BMERB1: variants seen among roughly 807,000 people sequenced by gnomAD.
BMERB1 encodes bMERB domain containing 1, also known as bMERB domain-containing protein 1.
Under a neutral mutation model 23.6 loss-of-function variants are expected in BMERB1, and 12 were observed. The observed-to-expected ratio is 0.51, with a 90% CI of 0.33 to 0.82. The LOEUF (loss-of-function observed/expected upper bound fraction) is 0.82. BMERB1 is among the 40% of genes least tolerant of loss of function. BMERB1 has a pLI of 0.03. For synonymous variants in BMERB1, 122 were observed against 96.6 expected (o/e 1.26, Z -1.54); for missense variants, 247 against 255.4 (o/e 0.97, Z 0.22).
chr16:15,523,174 A>G (rs1369415313), intron 2 of BMERB1, among the ~76,000 whole-genome samples: 1 of 152,072 alleles, frequency 6.6e-6, no homozygotes, highest in Non-Finnish European at 1.5e-5. Flanking sequence ...CCGCCAGTAG[A>G]TGGCCTGCCA....
chr16:15,465,550 A>T (rs909691066), intron 1 of BMERB1, among the ~76,000 whole-genome samples: 3 of 151,956 alleles, frequency 2.0e-5, no homozygotes, highest in African/African-American at 7.3e-5. Flanking sequence ...ACAGGGTTTC[A>T]CCACGTTGGC....
At chr16:15,481,052 G>A (rs2051316916) in intron 1 of BMERB1, among the ~76,000 whole-genome samples, 3 of 152,274 alleles carry the variant, frequency 2.0e-5, no homozygotes, top group South Asian at 4.1e-4. Context: ...TAGAGAAGTG[G>A]CTAAACTATG....
chr16:15,499,727 C>G (rs2051509220), intron 1 of BMERB1, among the ~76,000 whole-genome samples: 1 of 152,210 alleles, frequency 6.6e-6, no homozygotes, highest in African/African-American at 2.4e-5. Flanking sequence ...TTTCTTCCAG[C>G]TCATCATTCA....
At chr16:15,506,198 C>T (rs900750807) in intron 1 of BMERB1, among the ~76,000 whole-genome samples, 2 of 151,288 alleles carry the variant, frequency 1.3e-5, no homozygotes, top group Non-Finnish European at 2.9e-5. Flanking sequence ...ATTTTTGAGA[C>T]GGAGTCTTGC....
intron 1 of BMERB1, among the ~76,000 whole-genome samples, chr16:15,450,882 A>G (rs911710566): frequency 2.0e-5 from 3 of 152,122 alleles, no homozygotes; most frequent in South Asian, 2.1e-4. Flanking sequence ...AGAGCTTGTC[A>G]TGCTGCTGCA....
intron 1 of BMERB1, among the ~76,000 whole-genome samples, chr16:15,475,891 G>C (rs2051271130): frequency 6.6e-6 from 1 of 152,138 alleles, no homozygotes; most frequent in African/African-American, 2.4e-5. Flanking sequence ...TTGGTGTCCA[G>C]AGTTTTTATT....
intron 1 of BMERB1, among the ~76,000 whole-genome samples, chr16:15,441,210 GT>G (rs918082598): frequency 6.6e-6 from 1 of 152,086 alleles, no homozygotes; most frequent in African/African-American, 2.4e-5. Flanking sequence ...AACATGAACT[GT>G]TATGTTTTTT....
chr16:15,525,690 G>A (rs1371334477), intron 2 of BMERB1, among the ~76,000 whole-genome samples: 2 of 149,852 alleles, frequency 1.3e-5, no homozygotes, highest in Middle Eastern at 3.4e-3. Context: ...GGGCAACAGA[G>A]TGAGATCCCA....
At position 15,587,032 on chromosome 16, in the gene BMERB1, A is replaced by G. The variant is rs933513663; in HGVS notation, c.*203A>G. The G allele has an allele frequency of 7.1e-6, 4 of 560,404 alleles. No homozygotes were observed. The highest frequency in any genetic ancestry group is 1.9e-5 in the African/African-American group (1 of 52,510). The allele number at this position is 560,404 out of a possible 1,614,324, so 34.7% of individuals were successfully genotyped here. On this transcript the variant is annotated 3_prime_UTR_variant, in exon 6 of 6. Coordinates refer to ENST00000300006, the MANE Select transcript of BMERB1 (RefSeq NM_033201.3). Reference sequence around the variant, plus strand: ...GCAGTAGGGAGTCTCTCACCGTCGCATGGTCCTCCCCAGAGCATGCCGAAC... The same window carrying G: ...GCAGTAGGGAGTCTCTCACCGTCGCGTGGTCCTCCCCAGAGCATGCCGAAC...
chr16:15,484,744 A>C (rs1273329982), intron 1 of BMERB1, among the ~76,000 whole-genome samples: 3 of 152,142 alleles, frequency 2.0e-5, no homozygotes, highest in African/African-American at 7.2e-5. Flanking sequence ...TTCACATAAC[A>C]TAGCATTCAT....
intron 3 of BMERB1, among the ~76,000 whole-genome samples, chr16:15,572,161 G>C (rs543823491): frequency 6.6e-6 from 1 of 152,174 alleles, no homozygotes; most frequent in Non-Finnish European, 1.5e-5. Context: ...TAGCAGGCAG[G>C]TGAACTTCGT....
intron 2 of BMERB1, among the ~76,000 whole-genome samples, chr16:15,541,472 G>A (rs2150962978): frequency 6.9e-6 from 1 of 144,516 alleles, no homozygotes; most frequent in South Asian, 2.3e-4. Context: ...CTGTCACCCA[G>A]GCTGGAGTGC....
intron 1 of BMERB1, among the ~76,000 whole-genome samples, chr16:15,486,034 GA>G (rs1322073356): frequency 6.6e-6 from 1 of 152,030 alleles, no homozygotes; most frequent in Non-Finnish European, 1.5e-5. Context: ...CTGAGGTCAG[GA>G]GTTCAAGACC....
At chr16:15,487,681 A>T (rs1567465506) in intron 1 of BMERB1, among the ~76,000 whole-genome samples, 1 of 152,252 alleles carries the variant, frequency 6.6e-6, no homozygotes, top group Non-Finnish European at 1.5e-5. Flanking sequence ...ATAATGCTTA[A>T]CAGTTTTTTC....
intron 2 of BMERB1, among the ~76,000 whole-genome samples, chr16:15,522,832 T>C (rs2051869922): frequency 6.6e-6 from 1 of 152,202 alleles, no homozygotes; most frequent in African/African-American, 2.4e-5. Flanking sequence ...GGTGGATGTT[T>C]ACAACTCCTG....
At chr16:15,575,327 A>G (rs2030831160) in intron 3 of BMERB1, among the ~76,000 whole-genome samples, 2 of 152,210 alleles carry the variant, frequency 1.3e-5, no homozygotes, top group African/African-American at 2.4e-5. Flanking sequence ...CAGTTTCTAT[A>G]GAAAACAAAA....
In BMERB1 at chr16:15,568,022, G is replaced by T; in HGVS notation, c.270G>T (p.Leu90Phe). Residue 90 changes from leucine to phenylalanine, a missense_variant, in exon 3 of 6, where the codon TTG (leucine) becomes TTT (phenylalanine). Physicochemically the swap from Leu to Phe is conservative, Grantham distance 22. Coordinates refer to ENST00000300006, the MANE Select transcript of BMERB1 (RefSeq NM_033201.3). ...DIQLCKDIMD[L>F]KQELQNLVAI... The stretch of plus-strand genomic sequence containing the variant: ...AGCTCTGCAAGGACATCATGGACTT[G>T]AAGCAGGAGCTGCAGAACTTGGTCG... 3.7e-6 allele frequency: 6 copies of T among 1,614,078 alleles called. No individual in the cohort carries two copies. Among genetic ancestry groups the T allele is most frequent in the Non-Finnish European group, 5.1e-6 (6 of 1,179,950 alleles).
Position 15,434,760 on chromosome 16 carries a change from G to T in BMERB1, c.106+1G>T. 3 of 673,660 alleles carry T rather than the reference G, an allele frequency of 4.5e-6. No individual in the cohort carries two copies. The highest frequency in any genetic ancestry group is 5.1e-6 in the Non-Finnish European group (2 of 389,878). The allele number at this position is 673,660 out of a possible 1,614,324, so 41.7% of individuals were successfully genotyped here. A position where few individuals can be genotyped will look rare whatever the true frequency, so the allele number is the denominator to read the frequency against. ...TGGAAAACGGAGAGACTGGGGAGAA[G>T]TGAGTACTGGGGCGGGGGGCGGGGG... is the stretch of plus-strand genomic sequence containing the variant. On this transcript the variant is annotated splice_donor_variant, in intron 1 of 5. Transcript: ENST00000300006. LOFTEE classifies it high-confidence loss of function.
intron 3 of BMERB1, among the ~76,000 whole-genome samples, chr16:15,579,006 C>G (rs913100133): frequency 1.3e-5 from 2 of 152,154 alleles, no homozygotes; most frequent in East Asian, 3.9e-4. Context: ...TAGGTGGTTT[C>G]TCCTGGGAGT....
Sources: gnomAD v4.1 joint callset for allele counts (sites outside exome capture counted in the v4.1 genomes callset) on GRCh38, gnomAD v4.1.1 for gene constraint, MANE v1.5 for transcripts, NCBI Gene and HGNC (gene_info 2026-07-23, HGNC 2026-07-21) for gene names.